MEGF6: variants seen among roughly 807,000 people sequenced by gnomAD.
The protein encoded by MEGF6 is multiple EGF like domains 6.
MEGF6 carries 184 observed loss-of-function variants against 207.1 expected under a neutral mutation model. The observed-to-expected ratio is 0.89, with a 90% confidence interval of 0.79 to 1.00. The LOEUF (loss-of-function observed/expected upper bound fraction) is 1.00, where lower values mean the gene tolerates loss of function less well. Among genes scored for constraint, MEGF6 ranks in the 50% least tolerant of loss-of-function variants. MEGF6 has a pLI of 0.00. For synonymous variants in MEGF6, 1,038 were observed against 910.0 expected (o/e 1.14, Z -2.53); for missense variants, 2,282 against 2,202.9 (o/e 1.04, Z -0.72).
At chr1:3,579,671 G>A (rs1170425857) in intron 4 of MEGF6, among the ~76,000 whole-genome samples, 154 bp downstream of exon 4, 1 of 152,236 alleles carries the variant, frequency 6.6e-6, no homozygotes, top group African/African-American at 2.4e-5. Context: ...GGGAACTGGT[G>A]GAGGGATTGC....
At chr1:3,595,169 C>T (rs553934932) in intron 3 of MEGF6, among the ~76,000 whole-genome samples, 169 bp downstream of exon 3, 25 of 152,354 alleles carry the variant, frequency 1.6e-4, no homozygotes, top group African/African-American at 5.1e-4. Flanking sequence ...GCCTCGCTGA[C>T]GTCGCTTTTG....
At chr1:3,548,458 T>C (rs1314692466) in intron 4 of MEGF6, among the ~76,000 whole-genome samples, 1 of 152,198 alleles carries the variant, frequency 6.6e-6, no homozygotes, top group East Asian at 1.9e-4. Context: ...ATGGTGGGAA[T>C]TTTTTGGGAA....
At chr1:3,578,029 G>C (rs1371221372) in intron 4 of MEGF6, among the ~76,000 whole-genome samples, 2 of 152,240 alleles carry the variant, frequency 1.3e-5, no homozygotes, top group Non-Finnish European at 2.9e-5. Flanking sequence ...TCCTGACAAA[G>C]ATGAGGTGGG....
intron 4 of MEGF6, among the ~76,000 whole-genome samples, chr1:3,552,261 G>A (rs1013500325): frequency 1.9e-4 from 29 of 152,220 alleles, no homozygotes; most frequent in Admixed American, 1.2e-3. Context: ...CCCAGGCAGG[G>A]CCTTCTCCCT....
upstream of MEGF6, among the ~76,000 whole-genome samples, chr1:3,614,450 G>C (rs1018696810): frequency 6.6e-6 from 1 of 152,208 alleles, no homozygotes; most frequent in African/African-American, 2.4e-5. Flanking sequence ...GGTAGACAAG[G>C]TTTCTTTTGT....
chr1:3,555,157 C>T (rs940535924), intron 4 of MEGF6, among the ~76,000 whole-genome samples: 32 of 149,484 alleles, frequency 2.1e-4, no homozygotes, highest in African/African-American at 7.7e-4. Context: ...AGGTGGTCCC[C>T]ACCACCCACC....
chr1:3,611,567 C>G, upstream of MEGF6: 1 of 269,878 alleles, frequency 3.7e-6, no homozygotes, highest in Non-Finnish European at 6.9e-6. Context: ...AGCCCGGACC[C>G]CAGTCCCGAC....
chr1:3,586,584 C>T (rs1289665642), intron 3 of MEGF6, among the ~76,000 whole-genome samples: 1 of 152,178 alleles, frequency 6.6e-6, no homozygotes, highest in African/African-American at 2.4e-5. Flanking sequence ...GAAGCCCGTG[C>T]TGTGTCTGCA....
At position 3,505,438 on chromosome 1, in the gene MEGF6, G is replaced by A. The variant is rs758885697; in HGVS notation, c.2037C>T (p.Gly679=). The part of the protein sequence containing the change: ...GSCSCKAGFR[G]ERCQAECELG... The stretch of plus-strand genomic sequence containing the variant: ...TGGACTCACCTGCCTGACAGCGCTC[G>A]CCCCGGAAGCCAGCCTTGCAGGAGC... The change falls in exon 16 of 37, where the codon GGC becomes GGT. Residue 679 remains glycine, a synonymous_variant. Transcript: ENST00000356575. 5.5e-5 allele frequency: 88 copies of A among 1,604,584 alleles called. No individual in the cohort carries two copies. Among genetic ancestry groups the A allele is most frequent in the Middle Eastern group, 5.0e-4 (3 of 6,040 alleles).
intron 4 of MEGF6, among the ~76,000 whole-genome samples, chr1:3,554,806 A>T (rs954197333): frequency 6.6e-5 from 10 of 152,182 alleles, no homozygotes; most frequent in African/African-American, 1.7e-4. Flanking sequence ...AATTCCTGAA[A>T]GTGATCACAT....
intron 4 of MEGF6, among the ~76,000 whole-genome samples, chr1:3,533,722 G>A (rs78384808): frequency 0.018 from 2,754 of 152,264 alleles, 36 homozygotes; most frequent in East Asian, 0.042. Context: ...CCTGCTACAG[G>A]ATGGGGCCCA....
At chr1:3,515,925 G>A (rs1557740215) in intron 5 of MEGF6, among the ~76,000 whole-genome samples, 1 of 152,198 alleles carries the variant, frequency 6.6e-6, no homozygotes, top group Non-Finnish European at 1.5e-5. Flanking sequence ...CATCTCCCTG[G>A]AGGAGGACGC....
intron 1 of MEGF6, among the ~76,000 whole-genome samples, chr1:3,606,397 T>C (rs1028242000): frequency 2.0e-5 from 3 of 152,196 alleles, no homozygotes; most frequent in Non-Finnish European, 2.9e-5. Context: ...CCTAGCGGTT[T>C]GAAGCAAGGT....
chr1:3,556,685 A>G lies in MEGF6; in HGVS notation c.481+23140T>C, dbSNP rs1643041068. ...AGACTGCAGGCAGCTTAAGAGCTCC[A>G]TTGTGGACAAGGGGTGGCACGTACG... is the stretch of plus-strand genomic sequence containing the variant. On this transcript the variant is annotated intron_variant, in intron 4 of 36. Transcript: ENST00000356575. This position sits in a 1 kb window ranked among gnomAD's most constrained non-coding sequence, Gnocchi z 4.4. Among the ~76,000 whole-genome samples, 1 of 152,174 alleles carries G rather than the reference A, an allele frequency of 6.6e-6. No homozygotes were observed.
In MEGF6 at chr1:3,514,593, G is replaced by A. The variant is rs544528882; in HGVS notation, c.810C>T (p.Cys270=). The change falls in exon 7 of 37, where the codon TGC becomes TGT. Residue 270 remains cysteine (C), a synonymous_variant. Coordinates refer to ENST00000356575, the MANE Select transcript of MEGF6 (RefSeq NM_001409.4). ...CCGCTGCTAGCTGATAGCCCACGTGGCACTCACAGCGGGCGAGGCCCCGGA... is the reference window on the plus strand; with the variant it reads ...CCGCTGCTAGCTGATAGCCCACGTGACACTCACAGCGGGCGAGGCCCCGGA... ...QVVRGLARCE[C]HVGYQLAADG... is the part of the protein sequence containing the mutation. The A allele has an allele frequency of 1.3e-6, 2 of 1,584,824 alleles. No individual in the cohort carries two copies. The highest frequency in any genetic ancestry group is 2.3e-5 in the East Asian group (1 of 43,600).
rs766626566 is a variant in MEGF6, at chr1:3,532,213, C to G, written c.482-7967G>C. Among the ~76,000 whole-genome samples the G allele has an allele frequency of 3.3e-5, 5 of 152,224 alleles. 1 individual carries two copies. Among genetic ancestry groups the G allele is most frequent in the Non-Finnish European group, 7.3e-5 (5 of 68,032 alleles). ...CCGGGGGAGGCAGTCCTCCCAGGGT[C>G]GGCAGCAGAAGGAACCACAGATTAG... On this transcript the variant is annotated intron_variant, in intron 4 of 36. Transcript: ENST00000356575.
At chr1:3,501,734 C>T (rs1640877092) in intron 18 of MEGF6, 62 bp downstream of exon 18, 3 of 1,572,876 alleles carry the variant, frequency 1.9e-6, no homozygotes, top group South Asian at 2.4e-5. Flanking sequence ...CAGTTCAGGG[C>T]CCCACCAGCT....
chr1:3,506,458 G>C (rs1641124241), intron 14 of MEGF6, among the ~76,000 whole-genome samples: 1 of 152,196 alleles, frequency 6.6e-6, no homozygotes, highest in East Asian at 1.9e-4. Flanking sequence ...GGGTGGAAGA[G>C]CACATTCCTC....
chr1:3,548,226 CG>C (rs1642778101), intron 4 of MEGF6, among the ~76,000 whole-genome samples: 1 of 152,212 alleles, frequency 6.6e-6, no homozygotes, highest in Non-Finnish European at 1.5e-5. Flanking sequence ...CCCAGACAGA[CG>C]GAACACAGCG....
Sources: gnomAD v4.1 joint callset for allele counts (sites outside exome capture counted in the v4.1 genomes callset) on GRCh38, gnomAD v4.1.1 for gene constraint, Gnocchi (gnomAD v3.1) non-coding constraint, MANE v1.5 for transcripts, NCBI Gene and HGNC (gene_info 2026-07-23, HGNC 2026-07-21) for gene names.